CYLD: variants seen among roughly 807,000 people sequenced by gnomAD.
CYLD encodes the protein ubiquitin carboxyl-terminal hydrolase CYLD.
In CYLD, 26 loss-of-function variants were observed where a neutral mutation model predicts 104.5. That is an observed-to-expected ratio of 0.25 (90% confidence interval 0.18 to 0.35). The LOEUF is 0.35. Among genes scored for constraint, CYLD ranks in the 10% least tolerant of loss-of-function variants. CYLD has a pLI of 1.00. For missense variants in CYLD, 703 were observed against 1,136.1 expected (o/e 0.62, Z 5.48); for synonymous variants, 385 against 399.9 (o/e 0.96, Z 0.45).
rs945512349 is a variant in CYLD, at chr16:50,796,686, A to G, written c.*178A>G. 1.7e-5 allele frequency: 11 copies of G among 655,986 alleles called. No individual in the cohort carries two copies. The highest frequency in any genetic ancestry group is 9.4e-5 in the Admixed American group (4 of 42,732). The allele number at this position is 655,986 out of a possible 1,614,324, so 40.6% of individuals were successfully genotyped here. ...TGCTTTTGTGTCCCTGAAGTATTTAATAAGAAGCATTTTGCACTCTAGAAA... is the reference window on the plus strand; with the variant it reads ...TGCTTTTGTGTCCCTGAAGTATTTAGTAAGAAGCATTTTGCACTCTAGAAA... On this transcript the variant is annotated 3_prime_UTR_variant, in exon 19 of 19. Transcript: ENST00000427738.
intron 5 of CYLD, among the ~76,000 whole-genome samples, chr16:50,773,679 T>C (rs1238528209): frequency 6.6e-6 from 1 of 152,206 alleles, no homozygotes; most frequent in African/African-American, 2.4e-5. Context: ...CCCATATTTA[T>C]CTTTTTCTGA....
Position 50,795,253 on chromosome 16 carries a change from G to GCCA in CYLD, c.2686+825_2686+826insCCA, listed in dbSNP as rs1310631199. 5.3e-3 allele frequency among the ~76,000 whole-genome samples: 802 copies of GCCA among 152,332 alleles called. 8 individuals are homozygous for GCCA. The highest frequency in any genetic ancestry group is 0.018 in the African/African-American group (736 of 41,572). ...TGTTATCTTCCAATTGCCAAAAGCT[G>GCCA]AGAGCAGAAGTAAACATCCTTTTCA... On this transcript the variant is annotated intron_variant, in intron 18 of 18. Transcript: ENST00000427738.
At chr16:50,791,461 G>C (rs1171638001) in intron 14 of CYLD, 97 bp from the exon 15 acceptor site, 2 of 1,331,830 alleles carry the variant, frequency 1.5e-6, no homozygotes, top group Admixed American at 1.8e-5. Context: ...CAATTTTATG[G>C]TTTTTCTGTT....
At chr16:50,768,445 TAA>T (rs1403855696) in intron 5 of CYLD, among the ~76,000 whole-genome samples, 1 of 152,068 alleles carries the variant, frequency 6.6e-6, no homozygotes, top group Non-Finnish European at 1.5e-5. Flanking sequence ...TTACAGCATT[TAA>T]AAAAGAAAAA....
intron 4 of CYLD, 144 bp from the exon 5 acceptor site, chr16:50,754,175 C>T (rs1966839272): frequency 6.0e-6 from 4 of 666,060 alleles, no homozygotes; most frequent in Admixed American, 5.0e-5. Flanking sequence ...GGCAACTATT[C>T]CTAATGTATT....
chr16:50,795,407 A>G (rs1971926610), intron 18 of CYLD: 2 of 598,366 alleles, frequency 3.3e-6, no homozygotes, highest in South Asian at 2.0e-5. Flanking sequence ...CAGGCAGGAT[A>G]GTGGGTTGTA....
chr16:50,786,969 G>A (rs762990204), intron 13 of CYLD, 23 bp downstream of exon 13: 40 of 1,555,476 alleles, frequency 2.6e-5, no homozygotes, highest in South Asian at 1.3e-4. Context: ...ACTTATATGC[G>A]TTAAAAATAA....
At position 50,764,834 on chromosome 16, in the gene CYLD, G is replaced by A. The variant is rs569875849; in HGVS notation, c.914-10332G>A. 2.0e-4 allele frequency among the ~76,000 whole-genome samples: 30 copies of A among 152,264 alleles called. No individual in the cohort carries two copies. In the South Asian group the frequency reaches 6.2e-3, roughly 32 times the overall value. The stretch of plus-strand genomic sequence containing the variant: ...TAAACTTCCTACAGTGCACAGGGCA[G>A]CCCTACACAACACAGAATTATCTGG... On this transcript the variant is annotated intron_variant, in intron 5 of 18. Transcript: ENST00000427738.
In CYLD at chr16:50,796,358, C is replaced by T; in HGVS notation, c.2721C>T (p.Thr907=). The part of the protein sequence containing the change: ...GQNGFNIPQV[T]PCPEVGEYLK... ...ATGGCTTCAACATTCCTCAAGTCACCCCATGCCCAGAAGTAGGAGAGTACT... is the reference window on the plus strand; with the variant it reads ...ATGGCTTCAACATTCCTCAAGTCACTCCATGCCCAGAAGTAGGAGAGTACT... The change falls in exon 19 of 19, where the codon ACC becomes ACT. Residue 907 remains threonine (T), a synonymous_variant. Transcript: ENST00000427738. 1 of 1,614,108 alleles carries T rather than the reference C, an allele frequency of 6.2e-7. No individual in the cohort carries two copies. The highest frequency in any genetic ancestry group is 8.5e-7 in the Non-Finnish European group (1 of 1,180,020).
intron 18 of CYLD, chr16:50,795,646 A>G: frequency 1.4e-6 from 1 of 702,482 alleles, no homozygotes; most frequent in Non-Finnish European, 2.6e-6. Context: ...CCCAGGCCCT[A>G]GATCAAGAGT....
intron 2 of CYLD, among the ~76,000 whole-genome samples, chr16:50,746,583 C>G (rs1394916080): frequency 1.3e-5 from 2 of 152,116 alleles, no homozygotes; most frequent in East Asian, 3.8e-4. Flanking sequence ...ATGACCCATC[C>G]TATTGCTAAG....
At chr16:50,793,348 A>G (rs541019626) in intron 16 of CYLD, among the ~76,000 whole-genome samples, 198 bp from the exon 17 acceptor site, 223 of 152,328 alleles carry the variant, frequency 1.5e-3, no homozygotes, top group Non-Finnish European at 2.5e-3. Flanking sequence ...ATTTAGAAAA[A>G]CTATTTGGTC....
intron 3 of CYLD, 34 bp from the exon 4 acceptor site, chr16:50,751,570 T>C (rs1246829088): frequency 5.0e-6 from 8 of 1,603,420 alleles, no homozygotes; most frequent in Admixed American, 1.7e-5. Flanking sequence ...CGTCTTTCTA[T>C]ATCTATTTCT....
In CYLD at chr16:50,745,362, G is replaced by GTTTTTT. The variant is rs535675323; in HGVS notation, c.-124+2539_-124+2544dup. On this transcript the variant is annotated intron_variant, in intron 2 of 18. Transcript: ENST00000427738. Reference sequence around the variant, plus strand: ...TGTGTGTGTTCTCTCTTTCCTCTTTGTTTTTTTTTTTTTTTTTTTTTTTGA... The same window carrying GTTTTTT: ...TGTGTGTGTTCTCTCTTTCCTCTTTGTTTTTTTTTTTTTTTTTTTTTTTTTTTTTGA... Among the ~76,000 whole-genome samples the GTTTTTT allele has an allele frequency of 5.1e-4, 40 of 78,742 alleles. 1 individual carries two copies. Among genetic ancestry groups the GTTTTTT allele is most frequent in the African/African-American group, 1.5e-3 (28 of 18,522 alleles). 51.7% of individuals were successfully genotyped at this position (78,742 alleles called of 152,430 possible).
intron 5 of CYLD, among the ~76,000 whole-genome samples, chr16:50,754,855 A>G (rs1394393507): frequency 6.9e-6 from 1 of 144,614 alleles, no homozygotes; most frequent in Non-Finnish European, 1.5e-5. Flanking sequence ...GTGTATGTAT[A>G]TATATACACA....
intron 14 of CYLD, among the ~76,000 whole-genome samples, chr16:50,789,857 C>G (rs1239481396): frequency 6.6e-6 from 1 of 152,038 alleles, no homozygotes; most frequent in East Asian, 1.9e-4. Flanking sequence ...AATCAAATAA[C>G]CAAAGACAGA....
intron 5 of CYLD, among the ~76,000 whole-genome samples, chr16:50,769,531 G>A (rs912067073): frequency 6.6e-6 from 1 of 152,086 alleles, no homozygotes; most frequent in Non-Finnish European, 1.5e-5. Flanking sequence ...TTATGATTGG[G>A]TTTTGAGAGT....
Position 50,781,226 on chromosome 16 carries a change from T to C in CYLD, c.1519-20T>C. On this transcript the variant is annotated intron_variant, in intron 9 of 18. Coordinates refer to ENST00000427738, the MANE Select transcript of CYLD (RefSeq NM_001378743.1). Reference sequence around the variant, plus strand: ...TCTGTAAGGCACGGTATAATGCATATTGAAGCATTTCTTTTTCAGGAAGAT... The same window carrying C: ...TCTGTAAGGCACGGTATAATGCATACTGAAGCATTTCTTTTTCAGGAAGAT... 6.2e-7 allele frequency: 1 copy of C among 1,613,498 alleles called. No homozygotes were observed. Among genetic ancestry groups the C allele is most frequent in the Non-Finnish European group, 8.5e-7 (1 of 1,179,590 alleles).
At chr16:50,778,991 A>G (rs1969955396) in intron 8 of CYLD, among the ~76,000 whole-genome samples, 2 of 152,038 alleles carry the variant, frequency 1.3e-5, no homozygotes, top group African/African-American at 2.4e-5. Context: ...TCTCTTTATC[A>G]TGTGTTTGGT....
Sources: gnomAD v4.1 joint callset for allele counts (sites outside exome capture counted in the v4.1 genomes callset) on GRCh38, gnomAD v4.1.1 for gene constraint, MANE v1.5 for transcripts, NCBI Gene and HGNC (gene_info 2026-07-23, HGNC 2026-07-21) for gene names.